Variants in SPAG16 observed in about 807,000 individuals in gnomAD.
The protein encoded by SPAG16 is sperm associated antigen 16, also known as sperm-associated antigen 16 protein.
SPAG16 carries 86 observed loss-of-function variants against 80.4 expected under a neutral mutation model. The observed-to-expected ratio is 1.07, with a 90% CI of 0.90 to 1.28. The LOEUF (loss-of-function observed/expected upper bound fraction) is 1.28, where lower values mean the gene tolerates loss of function less well. SPAG16 is among the 50% of genes most tolerant of loss of function. SPAG16 has a pLI of 0.00. For missense variants in SPAG16, 870 were observed against 765.3 expected (o/e 1.14, Z -1.61); for synonymous variants, 294 against 265.9 (o/e 1.11, Z -1.03).
intron 15 of SPAG16, among the ~76,000 whole-genome samples, chr2:214,309,018 T>A (rs1388252704): frequency 2.0e-5 from 3 of 152,070 alleles, no homozygotes; most frequent in Admixed American, 2.0e-4. Context: ...CTCTTTCAGG[T>A]ACACCAAGAC....
chr2:213,968,318 GCACCTGCCACCACACCCA>G (rs923348771), intron 12 of SPAG16, among the ~76,000 whole-genome samples: 4 of 151,998 alleles, frequency 2.6e-5, no homozygotes, highest in Non-Finnish European at 4.4e-5. Context: ...GGGATTACAG[GCACCTGCCACCACACCCA>G]CACCTGCCAC....
chr2:213,434,860 G>T (rs762299878), intron 9 of SPAG16, among the ~76,000 whole-genome samples: 41 of 152,150 alleles, frequency 2.7e-4, no homozygotes, highest in Non-Finnish European at 5.3e-4. Context: ...CACTGTTTAT[G>T]GGAATGTAAA....
chr2:213,620,964 A>G (rs1460156658), intron 10 of SPAG16, among the ~76,000 whole-genome samples: 3 of 152,166 alleles, frequency 2.0e-5, no homozygotes, highest in Non-Finnish European at 4.4e-5. Context: ...GGACAATTGA[A>G]AAATATCACT....
intron 12 of SPAG16, among the ~76,000 whole-genome samples, chr2:213,967,993 T>C (rs1206620979): frequency 1.3e-5 from 2 of 152,214 alleles, no homozygotes; most frequent in African/African-American, 2.4e-5. Context: ...AGAATACTTA[T>C]ATAATGTCCA....
chr2:214,064,395 T>C (rs565203799), intron 13 of SPAG16, among the ~76,000 whole-genome samples: 2 of 152,248 alleles, frequency 1.3e-5, no homozygotes, highest in South Asian at 4.1e-4. Context: ...ATTATTCTCT[T>C]GTTCTAAAAA....
At chr2:213,794,600 T>C (rs984804150) in intron 10 of SPAG16, among the ~76,000 whole-genome samples, 3 of 152,102 alleles carry the variant, frequency 2.0e-5, no homozygotes, top group African/African-American at 4.8e-5. Flanking sequence ...GGACAAAAAA[T>C]GTTGTTGGAC....
chr2:214,078,780 C>T (rs2051213853), intron 13 of SPAG16, among the ~76,000 whole-genome samples: 1 of 152,052 alleles, frequency 6.6e-6, no homozygotes, highest in African/African-American at 2.4e-5. Context: ...TTGTTGTTTT[C>T]AGAGTATTTC....
chr2:214,063,123 G>T (rs2050361444), intron 13 of SPAG16, among the ~76,000 whole-genome samples: 1 of 151,992 alleles, frequency 6.6e-6, no homozygotes. Context: ...AATCAGAAAT[G>T]TATGTTATAC....
intron 12 of SPAG16, among the ~76,000 whole-genome samples, chr2:213,984,821 C>T (rs1327212674): frequency 6.6e-6 from 1 of 152,048 alleles, no homozygotes; most frequent in Non-Finnish European, 1.5e-5. Flanking sequence ...GCCTCTGCAG[C>T]TCTTCCAAAT....
intron 10 of SPAG16, among the ~76,000 whole-genome samples, chr2:213,782,954 A>G (rs1402703647): frequency 1.3e-5 from 2 of 152,086 alleles, no homozygotes; most frequent in Non-Finnish European, 2.9e-5. Flanking sequence ...TGTGCAGGTT[A>G]GTTACATATG....
At chr2:213,901,614 A>C (rs997098001) in intron 11 of SPAG16, among the ~76,000 whole-genome samples, 1 of 152,156 alleles carries the variant, frequency 6.6e-6, no homozygotes, top group African/African-American at 2.4e-5. Flanking sequence ...AGTCCAAAGA[A>C]AACATGTAAA....
At chr2:213,607,220 T>C (rs184962452) in intron 10 of SPAG16, among the ~76,000 whole-genome samples, 94 of 152,324 alleles carry the variant, frequency 6.2e-4, no homozygotes, top group Middle Eastern at 3.4e-3. Flanking sequence ...AAAAGCATAA[T>C]CAATTATTAA....
At chr2:214,217,217 C>G (rs957005402) in intron 15 of SPAG16, among the ~76,000 whole-genome samples, 2 of 152,228 alleles carry the variant, frequency 1.3e-5, no homozygotes, top group African/African-American at 4.8e-5. Flanking sequence ...GTAAAGCATG[C>G]AATGCTTAGA....
At chr2:214,058,253 G>A (rs1233940735) in intron 13 of SPAG16, among the ~76,000 whole-genome samples, 2 of 152,096 alleles carry the variant, frequency 1.3e-5, no homozygotes, top group African/African-American at 2.4e-5. Context: ...AAAGATGTGT[G>A]ACTCTTCCTT....
chr2:213,558,388 TATTATTAAATGCTTATAATAAA>T (rs1004997672), intron 10 of SPAG16, among the ~76,000 whole-genome samples: 3 of 152,072 alleles, frequency 2.0e-5, no homozygotes, highest in African/African-American at 7.2e-5. Flanking sequence ...ATTCCATAAA[TATTATTAAATGCTTATAATAAA>T]ATATGAATAA....
chr2:213,922,162 G>A (rs1173444932), intron 11 of SPAG16, among the ~76,000 whole-genome samples: 4 of 152,168 alleles, frequency 2.6e-5, no homozygotes, highest in Non-Finnish European at 4.4e-5. Context: ...GGACACCAAT[G>A]AGTCATAGTT....
At chr2:214,295,200 T>A (rs1315887089) in intron 15 of SPAG16, among the ~76,000 whole-genome samples, 2 of 152,222 alleles carry the variant, frequency 1.3e-5, no homozygotes, top group African/African-American at 4.8e-5. Flanking sequence ...GTTTGAAGTC[T>A]GGCAACCAAG....
chr2:214,402,452 G>A (rs1574521491), intron 15 of SPAG16, among the ~76,000 whole-genome samples: 1 of 151,230 alleles, frequency 6.6e-6, no homozygotes, highest in African/African-American at 2.4e-5. Context: ...AAATTAAGTT[G>A]AGATCTTTCA....
chr2:213,349,491 T>C (rs2125036629), intron 6 of SPAG16, among the ~76,000 whole-genome samples: 1 of 152,270 alleles, frequency 6.6e-6, no homozygotes, highest in Non-Finnish European at 1.5e-5. Flanking sequence ...GACTGTCATA[T>C]AGGGTTGTTG....
Sources: gnomAD v4.1 joint callset for allele counts (sites outside exome capture counted in the v4.1 genomes callset) on GRCh38, gnomAD v4.1.1 for gene constraint, MANE v1.5 for transcripts, NCBI Gene and HGNC (gene_info 2026-07-23, HGNC 2026-07-21) for gene names.